VTI1A: variants seen among roughly 807,000 people sequenced by gnomAD.
VTI1A encodes vesicle transport through interaction with t-SNAREs homolog 1A.
In VTI1A, 22 loss-of-function variants were observed where a neutral mutation model predicts 34.9. The ratio of observed to expected loss-of-function variants is 0.63; its 90% CI spans 0.45 to 0.90. The LOEUF (loss-of-function observed/expected upper bound fraction) is 0.90, where lower values mean the gene tolerates loss of function less well. VTI1A is among the 40% of genes least tolerant of loss of function. The pLI is 0.00. For missense variants in VTI1A, 268 were observed against 275.6 expected, an observed-to-expected ratio of 0.97 and a Z score of 0.20; for synonymous variants, 87 against 97.3, an observed-to-expected ratio of 0.89 and a Z score of 0.62.
At chr10:112,583,313 G>T (rs890735554) in intron 5 of VTI1A, among the ~76,000 whole-genome samples, 11 of 152,148 alleles carry the variant, frequency 7.2e-5, no homozygotes, top group African/African-American at 2.7e-4. Context: ...ATTTTCTCAG[G>T]TCCCTAAGTT....
At chr10:112,673,339 GA>G (rs1390094523) in intron 7 of VTI1A, among the ~76,000 whole-genome samples, 1 of 151,102 alleles carries the variant, frequency 6.6e-6, no homozygotes, top group Non-Finnish European at 1.5e-5. Flanking sequence ...AAAGAAAAAG[GA>G]AAAGAAAAGA....
intron 5 of VTI1A, among the ~76,000 whole-genome samples, chr10:112,646,730 C>T (rs1456277555): frequency 6.6e-6 from 1 of 151,994 alleles, no homozygotes; most frequent in African/African-American, 2.4e-5. Context: ...AGGCTGATCT[C>T]GAACTCGTGA....
At position 112,481,891 on chromosome 10, in the gene VTI1A, A is replaced by G. The variant is rs77130287; in HGVS notation, c.264+17234A>G. 5.1e-3 allele frequency among the ~76,000 whole-genome samples: 777 copies of G among 152,308 alleles called. 5 individuals are homozygous for G. Among genetic ancestry groups the G allele is most frequent in the African/African-American group, 0.018 (740 of 41,556 alleles). ...GCTGTGCATTGGTGTGGGGAAAATAACGTACAACTTGATAGTACAATTACT... is the reference window on the plus strand; with the variant it reads ...GCTGTGCATTGGTGTGGGGAAAATAGCGTACAACTTGATAGTACAATTACT... On this transcript the variant is annotated intron_variant, in intron 3 of 7. Coordinates refer to ENST00000393077, the MANE Select transcript of VTI1A (RefSeq NM_145206.4).
At chr10:112,669,073 G>A in intron 7 of VTI1A, 75 bp downstream of exon 7, 4 of 1,540,126 alleles carry the variant, frequency 2.6e-6, no homozygotes, top group Non-Finnish European at 3.6e-6. Context: ...CAATTGCAAT[G>A]GGGCATATTA....
At chr10:112,796,148 C>CA (rs1852666697) in intron 7 of VTI1A, among the ~76,000 whole-genome samples, 1 of 152,114 alleles carries the variant, frequency 6.6e-6, no homozygotes, top group South Asian at 2.1e-4. Flanking sequence ...CCTGTAGTCC[C>CA]AGCACTTTGA....
At chr10:112,541,669 A>T (rs961114724) in intron 5 of VTI1A, among the ~76,000 whole-genome samples, 2 of 152,222 alleles carry the variant, frequency 1.3e-5, no homozygotes, top group Non-Finnish European at 2.9e-5. Context: ...CCATCTTCTA[A>T]AATTCTTGAA....
chr10:112,842,473 T>A, the VTI1A span, among the ~76,000 whole-genome samples: 2 of 152,174 alleles, frequency 1.3e-5, no homozygotes, highest in Admixed American at 6.5e-5. Context: ...GATCCTGAGG[T>A]CCAAGGATGA....
intron 3 of VTI1A, among the ~76,000 whole-genome samples, chr10:112,499,624 A>G (rs2134149203): frequency 6.6e-6 from 1 of 152,308 alleles, no homozygotes; most frequent in South Asian, 2.1e-4. Flanking sequence ...ACTTGAATTC[A>G]TTAAACTTAT....
intron 5 of VTI1A, among the ~76,000 whole-genome samples, chr10:112,595,539 C>T (rs530851492): frequency 6.6e-6 from 1 of 152,172 alleles, no homozygotes; most frequent in African/African-American, 2.4e-5. Flanking sequence ...GATATTTATG[C>T]AGCCAAAAGA....
intron 3 of VTI1A, among the ~76,000 whole-genome samples, chr10:112,515,732 C>T (rs1425591164): frequency 6.6e-6 from 1 of 152,026 alleles, no homozygotes; most frequent in Non-Finnish European, 1.5e-5. Context: ...GCCTCATTCT[C>T]CTCAGATAAC....
chr10:112,642,769 G>A (rs1016050094), intron 5 of VTI1A, among the ~76,000 whole-genome samples: 2 of 152,024 alleles, frequency 1.3e-5, no homozygotes, highest in African/African-American at 2.4e-5. Flanking sequence ...TAATAACTAG[G>A]CCGAGCATAG....
At chr10:112,671,410 G>C (rs1329791991) in intron 7 of VTI1A, among the ~76,000 whole-genome samples, 1 of 152,208 alleles carries the variant, frequency 6.6e-6, no homozygotes, top group African/African-American at 2.4e-5. Context: ...TCCTCTTTGT[G>C]AAGTGTGAGC....
intron 5 of VTI1A, among the ~76,000 whole-genome samples, chr10:112,650,944 A>T (rs989122093): frequency 6.6e-6 from 1 of 152,246 alleles, no homozygotes; most frequent in Non-Finnish European, 1.5e-5. Context: ...TCATCTGTTT[A>T]TATGACTGAT....
chr10:112,780,152 G>T (rs1009773616), intron 7 of VTI1A, among the ~76,000 whole-genome samples: 1 of 150,028 alleles, frequency 6.7e-6, no homozygotes, highest in Non-Finnish European at 1.5e-5. Context: ...GCCCAATATG[G>T]TGGCATGTGC....
chr10:112,548,574 A>G, intron 5 of VTI1A: 2 of 809,682 alleles, frequency 2.5e-6, no homozygotes, highest in Non-Finnish European at 4.2e-6. Context: ...TCCACCACTG[A>G]TTAAGACCAG....
intron 7 of VTI1A, among the ~76,000 whole-genome samples, chr10:112,809,882 C>T (rs989847808): frequency 3.3e-5 from 5 of 151,754 alleles, no homozygotes; most frequent in Admixed American, 6.6e-5. Flanking sequence ...TAGGAGAATA[C>T]GAGAGGGACA....
At chr10:112,653,145 C>T (rs1398072984) in intron 5 of VTI1A, among the ~76,000 whole-genome samples, 1 of 152,184 alleles carries the variant, frequency 6.6e-6, no homozygotes, top group African/African-American at 2.4e-5. Context: ...GTTACGAAGT[C>T]ATTTACTCAG....
At chr10:112,522,557 C>T (rs146707706) in intron 3 of VTI1A, among the ~76,000 whole-genome samples, 67 of 152,146 alleles carry the variant, frequency 4.4e-4, no homozygotes, top group Non-Finnish European at 7.5e-4. Flanking sequence ...GGAATGAGAA[C>T]GTCTTAATTC....
intron 7 of VTI1A, among the ~76,000 whole-genome samples, chr10:112,690,498 C>A (rs1027262775): frequency 1.3e-5 from 2 of 152,186 alleles, no homozygotes; most frequent in Non-Finnish European, 2.9e-5. Flanking sequence ...CTATTTTCCT[C>A]ATTTACATTA....
Sources: gnomAD v4.1 joint callset for allele counts (sites outside exome capture counted in the v4.1 genomes callset) on GRCh38, gnomAD v4.1.1 for gene constraint, MANE v1.5 for transcripts, NCBI Gene and HGNC (gene_info 2026-07-23, HGNC 2026-07-21) for gene names.